Variants in NDST4 observed in about 807,000 individuals in gnomAD.
The protein encoded by NDST4 is N-deacetylase and N-sulfotransferase 4, also known as N-heparan sulfate sulfotransferase 4.
Under a neutral mutation model 100.8 loss-of-function variants are expected in NDST4, and 63 were observed. The ratio of observed to expected loss-of-function variants is 0.62; its 90% CI spans 0.51 to 0.77. The LOEUF is 0.77. NDST4 is among the 30% of genes least tolerant of loss of function. The pLI is 0.00. For missense variants in NDST4, 943 were observed against 1,018.4 expected (o/e 0.93, Z 1.01); for synonymous variants, 377 against 361.8 (o/e 1.04, Z -0.48).
chr4:114,839,571 A>C, intron 10 of NDST4, 23 bp from the exon 11 acceptor site: 1 of 1,610,622 alleles, frequency 6.2e-7, no homozygotes, highest in South Asian at 1.1e-5. Context: ...AGTCAATTGT[A>C]AAGTTAGATT....
At position 114,899,286 on chromosome 4, in the gene NDST4, T is replaced by C. The variant is rs149001563; in HGVS notation, c.1537-28336A>G. Among the ~76,000 whole-genome samples the C allele has an allele frequency of 5.4e-3, 820 of 152,288 alleles. 11 individuals are homozygous for C. Among genetic ancestry groups the C allele is most frequent in the African/African-American group, 0.019 (770 of 41,556 alleles). Reference sequence around the variant, plus strand: ...TCCGCCTCCCAGGTTCAAGGCATTCTCCTGCCTCAGCCTCCTGAGTAGCTG... The same window carrying C: ...TCCGCCTCCCAGGTTCAAGGCATTCCCCTGCCTCAGCCTCCTGAGTAGCTG... On this transcript the variant is annotated intron_variant, in intron 6 of 13. Coordinates refer to ENST00000264363, the MANE Select transcript of NDST4 (RefSeq NM_022569.3).
At chr4:114,845,296 C>T (rs2126185799) in intron 10 of NDST4, among the ~76,000 whole-genome samples, 2 of 152,252 alleles carry the variant, frequency 1.3e-5, no homozygotes, top group Non-Finnish European at 2.9e-5. Context: ...CACGCCACTG[C>T]ACGCCAGCCT....
At chr4:114,995,611 T>C (rs1727141933) in intron 2 of NDST4, among the ~76,000 whole-genome samples, 1 of 152,084 alleles carries the variant, frequency 6.6e-6, no homozygotes, top group Admixed American at 6.6e-5. Context: ...TAAACAATCC[T>C]GATACTTCTG....
intron 8 of NDST4, among the ~76,000 whole-genome samples, chr4:114,850,473 C>G (rs888667961): frequency 2.0e-5 from 3 of 152,082 alleles, no homozygotes; most frequent in African/African-American, 7.2e-5. Flanking sequence ...AATCTGGGCC[C>G]ATTACCTCAA....
chr4:114,842,485 G>C (rs921110445), intron 10 of NDST4, among the ~76,000 whole-genome samples: 1 of 151,632 alleles, frequency 6.6e-6, no homozygotes, highest in Non-Finnish European at 1.5e-5. Flanking sequence ...AGAAAAAAAA[G>C]AAAAACGACA....
chr4:114,996,074 C>T (rs1174575058), intron 2 of NDST4, among the ~76,000 whole-genome samples: 1 of 151,944 alleles, frequency 6.6e-6, no homozygotes, highest in African/African-American at 2.4e-5. Context: ...CTCTGATTTC[C>T]CAGTTTATAT....
intron 1 of NDST4, among the ~76,000 whole-genome samples, chr4:115,092,491 G>T (rs566198): frequency 0.74 from 112,934 of 152,040 alleles, 42,791 homozygotes; most frequent in African/African-American, 0.88. Context: ...CTAAATGAAC[G>T]TGAGTATAGA....
chr4:114,974,311 G>C (rs972437853), intron 3 of NDST4, among the ~76,000 whole-genome samples: 1 of 151,854 alleles, frequency 6.6e-6, no homozygotes, highest in Non-Finnish European at 1.5e-5. Context: ...GAAGGGGTAA[G>C]AATGTAACAC....
At chr4:115,064,917 C>A (rs1728913360) in intron 2 of NDST4, among the ~76,000 whole-genome samples, 1 of 152,080 alleles carries the variant, frequency 6.6e-6, no homozygotes, top group Admixed American at 6.6e-5. Flanking sequence ...TTTCAGAAGA[C>A]AAATATGGAT....
intron 6 of NDST4, among the ~76,000 whole-genome samples, chr4:114,903,695 C>T (rs1320593485): frequency 6.6e-6 from 1 of 151,964 alleles, no homozygotes; most frequent in African/African-American, 2.4e-5. Flanking sequence ...GGAGTTGCGA[C>T]TGCCAAGGTC....
chr4:114,891,962 A>C (rs2126206518), intron 6 of NDST4, among the ~76,000 whole-genome samples: 1 of 152,228 alleles, frequency 6.6e-6, no homozygotes, highest in South Asian at 2.1e-4. Flanking sequence ...TATACCTTCA[A>C]GACCAACTTA....
chr4:115,063,878 T>C (rs1208253379), intron 2 of NDST4, among the ~76,000 whole-genome samples: 1 of 151,962 alleles, frequency 6.6e-6, no homozygotes, highest in Non-Finnish European at 1.5e-5. Flanking sequence ...TACTTTCTTT[T>C]CCTCACATAG....
intron 2 of NDST4, among the ~76,000 whole-genome samples, chr4:114,996,945 A>G (rs1453124828): frequency 6.6e-6 from 1 of 152,132 alleles, no homozygotes; most frequent in Non-Finnish European, 1.5e-5. Context: ...GTTCATAAAT[A>G]TCAATGGTGC....
chr4:115,046,217 C>T (rs1370999379), intron 2 of NDST4, among the ~76,000 whole-genome samples: 2 of 152,106 alleles, frequency 1.3e-5, no homozygotes, highest in African/African-American at 4.8e-5. Flanking sequence ...TGGCTTTTTG[C>T]CCTGCCCCAT....
intron 4 of NDST4, among the ~76,000 whole-genome samples, chr4:114,952,619 A>C (rs1395761287): frequency 2.0e-5 from 3 of 152,122 alleles, no homozygotes; most frequent in Non-Finnish European, 2.9e-5. Flanking sequence ...GCAAGCAAAA[A>C]GTTCATGCTA....
intron 2 of NDST4, among the ~76,000 whole-genome samples, chr4:115,023,883 T>A (rs1727918196): frequency 1.3e-5 from 2 of 152,084 alleles, no homozygotes; most frequent in South Asian, 4.1e-4. Flanking sequence ...CAGGGCACCT[T>A]CTACAAGCTC....
chr4:115,106,545 T>C (rs1321947221), intron 1 of NDST4, among the ~76,000 whole-genome samples: 4 of 152,108 alleles, frequency 2.6e-5, no homozygotes, highest in Non-Finnish European at 4.4e-5. Flanking sequence ...CAATTCTAGA[T>C]GACTTATGAT....
intron 2 of NDST4, among the ~76,000 whole-genome samples, chr4:115,043,077 T>A (rs1217365139): frequency 1.3e-5 from 2 of 152,024 alleles, no homozygotes; most frequent in Non-Finnish European, 2.9e-5. Context: ...GCTGCTTACA[T>A]ATGAAAAACA....
chr4:115,080,409 T>C (rs1729276940), intron 1 of NDST4, among the ~76,000 whole-genome samples: 1 of 152,180 alleles, frequency 6.6e-6, no homozygotes, highest in African/African-American at 2.4e-5. Context: ...AATGCTGGGA[T>C]TGCAGGCATG....
Sources: gnomAD v4.1 joint callset for allele counts (sites outside exome capture counted in the v4.1 genomes callset) on GRCh38, gnomAD v4.1.1 for gene constraint, MANE v1.5 for transcripts, NCBI Gene and HGNC (gene_info 2026-07-23, HGNC 2026-07-21) for gene names.